The following TMEM182 variants were observed in gnomAD, a reference collection of about 807,000 sequenced individuals.
TMEM182 encodes the protein transmembrane protein 182.
Under a neutral mutation model 26.8 loss-of-function variants are expected in TMEM182, and 20 were observed. The ratio of observed to expected loss-of-function variants is 0.75; its 90% CI spans 0.53 to 1.09. The LOEUF is 1.09. TMEM182 is among the 50% of genes least tolerant of loss of function. TMEM182 has a pLI of 0.00. For missense variants in TMEM182, 277 were observed against 275.5 expected (o/e 1.01, Z -0.04); for synonymous variants, 109 against 102.2 (o/e 1.07, Z -0.40).
intron 3 of TMEM182, among the ~76,000 whole-genome samples, chr2:102,766,732 A>G (rs1287742751): frequency 1.3e-5 from 2 of 152,144 alleles, no homozygotes; most frequent in African/African-American, 4.8e-5. Flanking sequence ...CAATTACCCA[A>G]CATCAGATAC....
Position 102,762,119 on chromosome 2 carries a change from ATTC to A in TMEM182, c.-96_-94del. 1 of 997,082 alleles carries A rather than the reference ATTC, an allele frequency of 1.0e-6. No homozygotes were observed. Among genetic ancestry groups the A allele is most frequent in the Non-Finnish European group, 1.4e-6 (1 of 703,060 alleles). 61.8% of individuals were successfully genotyped at this position (997,082 alleles called of 1,614,324 possible). A position where few individuals can be genotyped will look rare whatever the true frequency, so the allele number is the denominator to read the frequency against. ...AAGATTCTGCCAACTCAAAAATATT[ATTC>A]TTTTTTTTTTTTTTTTGCTGTTGTT... On this transcript the variant is annotated 5_prime_UTR_variant, in exon 1 of 5. Coordinates refer to ENST00000412401, the MANE Select transcript of TMEM182 (RefSeq NM_144632.5).
At chr2:102,842,992 T>C (rs769344580) in intron 3 of TMEM182, among the ~76,000 whole-genome samples, 3 of 152,170 alleles carry the variant, frequency 2.0e-5, no homozygotes, top group Non-Finnish European at 2.9e-5. Flanking sequence ...GGGCTTTTGA[T>C]ACAATGTATA....
chr2:102,758,559 G>T (rs899400102), upstream of TMEM182: 2 of 704,066 alleles, frequency 2.8e-6, no homozygotes, highest in Non-Finnish European at 5.3e-6. Context: ...CAGGAAACAT[G>T]CACCCTGCTA....
At chr2:102,771,015 C>T (rs1195700061) in intron 3 of TMEM182, among the ~76,000 whole-genome samples, 7 of 152,126 alleles carry the variant, frequency 4.6e-5, no homozygotes, top group Admixed American at 6.6e-5. Flanking sequence ...GCTTGCAGAT[C>T]GATTACTCTG....
intron 3 of TMEM182, among the ~76,000 whole-genome samples, 177 bp downstream of exon 3, chr2:102,764,604 A>G (rs1025511988): frequency 5.3e-5 from 8 of 152,198 alleles, no homozygotes; most frequent in Non-Finnish European, 1.5e-5. Context: ...AATTTTAAAG[A>G]ACATAACTTT....
rs112428200 is a variant in TMEM182 at position 102,828,094 on chromosome 2, C to A, written c.326-15318C>A. ...CAACAGAGACTCCATCTCATAAATA[C>A]ATAAATATATAAATAAATAAAAAGT... On this transcript the variant is annotated intron_variant, in intron 3 of 3. Transcript: ENST00000486293. Among the ~76,000 whole-genome samples, 1,288 of 152,160 alleles carry A rather than the reference C, an allele frequency of 8.5e-3. 20 individuals carry two copies. Among genetic ancestry groups the A allele is most frequent in the African/African-American group, 0.03 (1,239 of 41,510 alleles).
chr2:102,828,954 A>G (rs1397579151), intron 3 of TMEM182, among the ~76,000 whole-genome samples: 1 of 152,234 alleles, frequency 6.6e-6, no homozygotes, highest in Non-Finnish European at 1.5e-5. Flanking sequence ...CCCTGTGAAT[A>G]TGTATATTGA....
At chr2:102,808,637 G>T (rs1442650637) in intron 4 of TMEM182, among the ~76,000 whole-genome samples, 1 of 152,134 alleles carries the variant, frequency 6.6e-6, no homozygotes, top group Non-Finnish European at 1.5e-5. Context: ...TCACAAAACG[G>T]TATATTCCCA....
intron 4 of TMEM182, among the ~76,000 whole-genome samples, chr2:102,806,478 C>A (rs1156956534): frequency 1.3e-5 from 2 of 152,120 alleles, no homozygotes; most frequent in African/African-American, 4.8e-5. Context: ...CTGGGAGATG[C>A]ATTGGAGGTC....
downstream of TMEM182, chr2:102,817,725 A>C: frequency 1.0e-6 from 1 of 983,072 alleles, no homozygotes; most frequent in African/African-American, 1.7e-5. Flanking sequence ...TCTATCATCA[A>C]TATATATGGG....
At chr2:102,784,602 C>A (rs1558770185) in intron 3 of TMEM182, among the ~76,000 whole-genome samples, 1 of 152,152 alleles carries the variant, frequency 6.6e-6, no homozygotes, top group Non-Finnish European at 1.5e-5. Context: ...AAAGTGAAAG[C>A]AAGCTTATTA....
At position 102,778,838 on chromosome 2, in the gene TMEM182, A is replaced by G. The variant is rs571199233; in HGVS notation, c.331+14411A>G. On this transcript the variant is annotated intron_variant, in intron 3 of 4. Transcript: ENST00000412401. ...CTACATATGTTGAGAACTGCACGCA[A>G]CATCTTACTCTTTTTGCTTCAATCA... Among the ~76,000 whole-genome samples, 39 of 152,286 alleles carry G rather than the reference A, an allele frequency of 2.6e-4. 1 individual carries two copies. Among genetic ancestry groups the G allele is most frequent in the African/African-American group, 8.7e-4 (36 of 41,584 alleles).
chr2:102,789,068 G>T (rs1438119832), intron 3 of TMEM182, among the ~76,000 whole-genome samples: 1 of 152,176 alleles, frequency 6.6e-6, no homozygotes, highest in Non-Finnish European at 1.5e-5. Flanking sequence ...CTAAAGCGAG[G>T]CAACATATGC....
intron 1 of TMEM182, among the ~76,000 whole-genome samples, chr2:102,746,081 C>A (rs1679687604): frequency 6.6e-6 from 1 of 152,200 alleles, no homozygotes; most frequent in Non-Finnish European, 1.5e-5. Context: ...TCTAATTTCT[C>A]CACATTTCAC....
intron 3 of TMEM182, among the ~76,000 whole-genome samples, chr2:102,828,749 T>A (rs905087020): frequency 2.6e-5 from 4 of 152,188 alleles, no homozygotes; most frequent in Non-Finnish European, 4.4e-5. Flanking sequence ...GTCGGCTAGA[T>A]GAATGACAGC....
At chr2:102,737,044 A>G in intron 1 of TMEM182, 2 of 531,604 alleles carry the variant, frequency 3.8e-6, no homozygotes, top group East Asian at 3.4e-5. Context: ...GATGATAATG[A>G]TGATGCTCTT....
chr2:102,795,249 A>G (rs1019569860), intron 3 of TMEM182, among the ~76,000 whole-genome samples: 1 of 152,190 alleles, frequency 6.6e-6, no homozygotes, highest in Non-Finnish European at 1.5e-5. Flanking sequence ...GATAATTCAT[A>G]TATCTAAATC....
chr2:102,797,651 T>G, intron 3 of TMEM182: 1 of 513,010 alleles, frequency 1.9e-6, no homozygotes. Flanking sequence ...GCAAGAGGAG[T>G]TGATTGAAGG....
At chr2:102,811,112 G>T (rs911843622) in intron 4 of TMEM182, among the ~76,000 whole-genome samples, 1 of 142,822 alleles carries the variant, frequency 7.0e-6, no homozygotes, top group Non-Finnish European at 1.5e-5. Context: ...TTTAGTTGTT[G>T]CTTGAGTCTC....
Sources: gnomAD v4.1 joint callset for allele counts (sites outside exome capture counted in the v4.1 genomes callset) on GRCh38, gnomAD v4.1.1 for gene constraint, MANE v1.5 for transcripts, NCBI Gene and HGNC (gene_info 2026-07-23, HGNC 2026-07-21) for gene names.